RECQL: variants seen among roughly 807,000 people sequenced by gnomAD.
The protein encoded by RECQL is ATP-dependent DNA helicase Q1.
RECQL carries 73 observed loss-of-function variants against 75.8 expected under a neutral mutation model. That is an observed-to-expected ratio of 0.96 (90% confidence interval 0.80 to 1.17). RECQL has a LOEUF of 1.17. RECQL is among the 50% of genes most tolerant of loss of function. The pLI is 0.00. For missense variants in RECQL, 699 were observed against 772.1 expected (o/e 0.91, Z 1.12); for synonymous variants, 248 against 254.4 (o/e 0.97, Z 0.24).
intron 3 of RECQL, 97 bp downstream of exon 3, chr12:21,491,422 A>G (rs1035702345): frequency 1.6e-5 from 19 of 1,212,664 alleles, no homozygotes; most frequent in Non-Finnish European, 2.0e-5. Flanking sequence ...TTCACCTCTA[A>G]GCCTACTGGA....
intron 5 of RECQL, among the ~76,000 whole-genome samples, chr12:21,484,187 T>C (rs1489967192): frequency 6.6e-6 from 1 of 151,866 alleles, no homozygotes; most frequent in African/African-American, 2.4e-5. Context: ...TTAGATGTCA[T>C]TTTTTTTCCT....
intron 2 of RECQL, among the ~76,000 whole-genome samples, chr12:21,492,068 A>AT (rs1339281982): frequency 1.3e-5 from 2 of 152,206 alleles, no homozygotes; most frequent in Admixed American, 1.3e-4. Context: ...CATGATAATT[A>AT]TTTTTATTAT....
chr12:21,494,477 T>G (rs114757413), intron 2 of RECQL, among the ~76,000 whole-genome samples: 1 of 152,220 alleles, frequency 6.6e-6, no homozygotes, highest in Admixed American at 6.5e-5. Context: ...ATGTCCTAGA[T>G]AGTGGCCAGG....
intron 2 of RECQL, among the ~76,000 whole-genome samples, chr12:21,494,979 G>A (rs1471367276): frequency 2.0e-5 from 3 of 152,206 alleles, no homozygotes; most frequent in Non-Finnish European, 4.4e-5. Flanking sequence ...ACAGAGCTGA[G>A]GCAGCAATCA....
In RECQL at chr12:21,468,955, A is replaced by T. The variant is rs1306271425; in HGVS notation, c.*1239T>A. On this transcript the variant is annotated 3_prime_UTR_variant, in exon 15 of 15. Transcript: ENST00000444129. ...AGTTTATTTATAGATATATCTTTCC[A>T]ATACAACACTGACCGCTTAGATAAA... is the stretch of plus-strand genomic sequence containing the variant. 3.9e-6 allele frequency: 2 copies of T among 508,240 alleles called. No individual in the cohort carries two copies. The highest frequency in any genetic ancestry group is 7.3e-5 in the Admixed American group (2 of 27,516). The allele number at this position is 508,240 out of a possible 1,614,324, so 31.5% of individuals were successfully genotyped here.
chr12:21,489,955 A>T (rs1943376700), intron 4 of RECQL, among the ~76,000 whole-genome samples: 1 of 152,136 alleles, frequency 6.6e-6, no homozygotes, highest in Non-Finnish European at 1.5e-5. Flanking sequence ...TAGAAGTCCA[A>T]ATCTCAGCAT....
intron 3 of RECQL, 142 bp downstream of exon 3, chr12:21,491,377 T>G (rs994601257): frequency 1.4e-6 from 1 of 726,520 alleles, no homozygotes; most frequent in Non-Finnish European, 2.2e-6. Flanking sequence ...ATGATCCACC[T>G]GCAAGTTTCC....
intron 3 of RECQL, among the ~76,000 whole-genome samples, chr12:21,490,844 A>G (rs984325999): frequency 6.6e-6 from 1 of 152,016 alleles, no homozygotes; most frequent in African/African-American, 2.4e-5. Flanking sequence ...ACAAAGCAAG[A>G]CCCTATCTCA....
chr12:21,481,717 G>C (rs1286746712), intron 6 of RECQL, among the ~76,000 whole-genome samples: 2 of 152,130 alleles, frequency 1.3e-5, no homozygotes, highest in South Asian at 2.1e-4. Context: ...CTGGAGAAAC[G>C]TAAGAAAGGG....
chr12:21,470,836 T>C (rs1942932721), intron 14 of RECQL, 133 bp downstream of exon 14: 1 of 554,582 alleles, frequency 1.8e-6, no homozygotes. Context: ...CTCTCTTCCA[T>C]ACCCAGAAAT....
chr12:21,476,714 T>C (rs527676949), intron 8 of RECQL, among the ~76,000 whole-genome samples, 197 bp downstream of exon 8: 10 of 152,266 alleles, frequency 6.6e-5, no homozygotes, highest in South Asian at 2.1e-4. Context: ...TGACGACTCA[T>C]AATCTATGGC....
chr12:21,476,100 C>A (rs1241342065), intron 8 of RECQL, among the ~76,000 whole-genome samples: 1 of 152,040 alleles, frequency 6.6e-6, no homozygotes, highest in Non-Finnish European at 1.5e-5. Flanking sequence ...CAGTATTTCT[C>A]AAACTGATGT....
chr12:21,476,351 T>C (rs1173203287), intron 8 of RECQL, among the ~76,000 whole-genome samples: 1 of 152,038 alleles, frequency 6.6e-6, no homozygotes, highest in Non-Finnish European at 1.5e-5. Flanking sequence ...AGAACTCCTT[T>C]TACCCAGGAC....
chr12:21,497,682 G>C (rs7301961), intron 2 of RECQL, among the ~76,000 whole-genome samples: 151,947 of 152,372 alleles, frequency 1, 75,765 homozygotes, highest in East Asian at 1. Flanking sequence ...AAACAACTTC[G>C]ACAAAGTATA....
intron 4 of RECQL, among the ~76,000 whole-genome samples, chr12:21,487,346 T>G (rs1943325072): frequency 6.6e-6 from 1 of 152,190 alleles, no homozygotes; most frequent in Non-Finnish European, 1.5e-5. Context: ...TGCATAAGCA[T>G]TCTTTTACTT....
In RECQL at chr12:21,491,582, C is replaced by T. The variant is rs774368337; in HGVS notation, c.151G>A (p.Glu51Lys). The T allele has an allele frequency of 2.5e-6, 4 of 1,612,510 alleles. No individual in the cohort carries two copies. The South Asian group carries it at 3.3e-5, about 13-fold the overall frequency. ...VLTKKIKQCL[E>K]DSDAGASNEY... ...TTGCTTGCCCCGGCATCAGAATCCTCTAAACACTGCTTTATTTTCTTTGTC... is the reference window on the plus strand; with the variant it reads ...TTGCTTGCCCCGGCATCAGAATCCTTTAAACACTGCTTTATTTTCTTTGTC... Residue 51 changes from glutamate to lysine, a missense_variant, in exon 3 of 15, where the codon GAG becomes AAG. By Grantham distance (56) the Glu-to-Lys change is moderately conservative. This residue lies in a region of RECQL where 669 missense variants were observed against 713.5 expected (regional missense o/e 0.94). Coordinates refer to ENST00000444129, the MANE Select transcript of RECQL (RefSeq NM_002907.4).
In RECQL at chr12:21,471,333, A is replaced by C. The variant is rs1942954810; in HGVS notation, c.1667+95T>G. 2.2e-5 allele frequency: 26 copies of C among 1,179,566 alleles called. No individual in the cohort carries two copies. In the South Asian group the frequency reaches 3.9e-4, roughly 18 times the overall value. The allele number at this position is 1,179,566 out of a possible 1,614,324, so 73.1% of individuals were successfully genotyped here. A position where few individuals can be genotyped will look rare whatever the true frequency, so the allele number is the denominator to read the frequency against. On this transcript the variant is annotated intron_variant, in intron 13 of 14. Coordinates refer to ENST00000444129, the MANE Select transcript of RECQL (RefSeq NM_002907.4). ...TACTTTCTATAGCATTTAAAAGTTC[A>C]CACAAAATAACTGCAAAACCGTTTA... is the stretch of plus-strand genomic sequence containing the variant.
intron 14 of RECQL, 180 bp from the exon 15 acceptor site, chr12:21,470,526 G>A (rs1355942036): frequency 2.0e-6 from 2 of 989,292 alleles, no homozygotes; most frequent in South Asian, 2.2e-5. Context: ...TTGAATAAAA[G>A]GGGCTACGTT....
At chr12:21,482,431 T>C (rs911614930) in intron 6 of RECQL, among the ~76,000 whole-genome samples, 7 of 151,518 alleles carry the variant, frequency 4.6e-5, no homozygotes, top group African/African-American at 1.7e-4. Context: ...TATAAAGGAG[T>C]TGAAATAGGG....
Sources: gnomAD v4.1 joint callset for allele counts (sites outside exome capture counted in the v4.1 genomes callset) on GRCh38, gnomAD v4.1.1 for gene constraint, gnomAD v4.1.1 regional missense constraint, MANE v1.5 for transcripts, NCBI Gene and HGNC (gene_info 2026-07-23, HGNC 2026-07-21) for gene names.